Variants in SYT9 observed in about 807,000 individuals in gnomAD.
The protein encoded by SYT9 is synaptotagmin-9.
A neutral mutation model predicts 48.4 loss-of-function variants in SYT9; 22 were observed. The ratio of observed to expected loss-of-function variants is 0.45; its 90% CI spans 0.32 to 0.65. The LOEUF is 0.65. Ranked by LOEUF, SYT9 falls within the 30% of genes least tolerant of loss-of-function variation. The probability of loss-of-function intolerance (pLI) is 0.03; values close to 1 mark genes in which losing one functional copy is unlikely to be tolerated. For missense variants in SYT9, 577 were observed against 622.0 expected, an observed-to-expected ratio of 0.93 and a Z score of 0.77; for synonymous variants, 265 against 245.0, an observed-to-expected ratio of 1.08 and a Z score of -0.76.
At chr11:7,251,786 G>T (rs1157074379), upstream of SYT9, among the ~76,000 whole-genome samples, 1 of 152,100 alleles carries the variant, frequency 6.6e-6, no homozygotes, top group Admixed American at 6.5e-5. Flanking sequence ...CCAGGAGCCG[G>T]GGAGTACCCC....
At chr11:7,457,763 C>T (rs1848173731) in intron 6 of SYT9, 1 of 152,188 alleles carries the variant, frequency 6.6e-6, no homozygotes, top group Non-Finnish European at 1.5e-5. Flanking sequence ...AGGGCTCAAA[C>T]AGTTCTCATA....
chr11:7,455,584 C>T (rs144443235), intron 6 of SYT9, among the ~76,000 whole-genome samples: 2,750 of 152,060 alleles, frequency 0.018, 80 homozygotes, highest in African/African-American at 0.063. Context: ...AAGTGATCCA[C>T]CCACCTCGGC....
intron 6 of SYT9, among the ~76,000 whole-genome samples, chr11:7,454,686 G>A (rs757239529): frequency 2.6e-5 from 4 of 152,208 alleles, no homozygotes; most frequent in Non-Finnish European, 1.5e-5. Context: ...TTCTGAGATT[G>A]GACCTGGGCA....
intron 1 of SYT9, among the ~76,000 whole-genome samples, chr11:7,288,155 C>T (rs1475547599): frequency 6.6e-6 from 1 of 152,094 alleles, no homozygotes; most frequent in Non-Finnish European, 1.5e-5. Context: ...GCCTGGGAAA[C>T]CCTGGGAGGG....
At chr11:7,312,617 A>T (rs1317203137) in intron 2 of SYT9, among the ~76,000 whole-genome samples, 1 of 152,212 alleles carries the variant, frequency 6.6e-6, no homozygotes, top group Admixed American at 6.5e-5. Flanking sequence ...ACTATACTAC[A>T]GTTGCAAATA....
chr11:7,290,241 G>T (rs1848675338), intron 1 of SYT9, among the ~76,000 whole-genome samples: 1 of 152,196 alleles, frequency 6.6e-6, no homozygotes, highest in Non-Finnish European at 1.5e-5. Flanking sequence ...TCTCAGGAGA[G>T]ACTCTTTTAA....
intron 3 of SYT9, among the ~76,000 whole-genome samples, chr11:7,324,775 T>C (rs995163013): frequency 2.5e-4 from 38 of 152,046 alleles, no homozygotes; most frequent in African/African-American, 9.2e-4. Flanking sequence ...TTATTTGATA[T>C]CTGTTCAAAT....
chr11:7,376,308 TTC>T (rs63008562), intron 3 of SYT9, among the ~76,000 whole-genome samples: 5,483 of 144,134 alleles, frequency 0.038, 332 homozygotes, highest in African/African-American at 0.13. Context: ...ATCTCTTCCT[TTC>T]TCTCTCTCTA....
At chr11:7,249,723 T>G (rs945358270), upstream of SYT9, among the ~76,000 whole-genome samples, 1 of 152,200 alleles carries the variant, frequency 6.6e-6, no homozygotes, top group Admixed American at 6.5e-5. Context: ...ATGTAATCTT[T>G]GTAACAGCCC....
Position 7,252,275 on chromosome 11 carries a change from G to A in SYT9, c.89G>A (p.Cys30Tyr). ...CGTGGGGCCCTGGAGCACGACAGCT[G>A]CCAGGATTTCATTTACCACCTGCGG... ...CARGALEHDS[C>Y]QDFIYHLRDR... is the part of the protein sequence containing the mutation. The change falls in exon 1 of 7, where the codon TGC becomes TAC. Residue 30 changes from cysteine to tyrosine, a missense_variant. By Grantham distance (194) the Cys-to-Tyr change is radical. Transcript: ENST00000318881. The surrounding 1 kb of genome is among the most constrained non-coding windows in gnomAD (Gnocchi z 6.3). 1 of 1,512,474 alleles carries A rather than the reference G, an allele frequency of 6.6e-7. No individual in the cohort carries two copies. Among genetic ancestry groups the A allele is most frequent in the Non-Finnish European group, 8.8e-7 (1 of 1,130,004 alleles). 93.7% of individuals were successfully genotyped at this position (1,512,474 alleles called of 1,614,324 possible).
At chr11:7,395,839 G>T in intron 3 of SYT9, among the ~76,000 whole-genome samples, 1 of 151,908 alleles carries the variant, frequency 6.6e-6, no homozygotes, top group East Asian at 1.9e-4. Context: ...TTACATTCAT[G>T]GTTAATATTG....
At chr11:7,260,797 G>C (rs956233461) in intron 1 of SYT9, among the ~76,000 whole-genome samples, 4 of 152,188 alleles carry the variant, frequency 2.6e-5, no homozygotes, top group Admixed American at 2.6e-4. Flanking sequence ...TAATTACCTT[G>C]AATAGTTGTA....
intron 6 of SYT9, among the ~76,000 whole-genome samples, chr11:7,442,750 G>T (rs12271511): frequency 0.079 from 12,013 of 152,134 alleles, 725 homozygotes; most frequent in Non-Finnish European, 0.13. Flanking sequence ...CTTTCCTAGG[G>T]CCTCTGCCAT....
chr11:7,428,448 A>G (rs982180134), intron 6 of SYT9, among the ~76,000 whole-genome samples: 1 of 152,218 alleles, frequency 6.6e-6, no homozygotes, highest in African/African-American at 2.4e-5. Flanking sequence ...GAAATGAACC[A>G]GAGTGGTTTA....
At chr11:7,394,839 A>G (rs1035614120) in intron 3 of SYT9, among the ~76,000 whole-genome samples, 1 of 151,878 alleles carries the variant, frequency 6.6e-6, no homozygotes. Context: ...TACTCTTAAC[A>G]CTGCTTTTGC....
chr11:7,458,359 T>G lies in SYT9; in HGVS notation c.1468-8433T>G, dbSNP rs538528847. Reference sequence around the variant, plus strand: ...AGCCGGGCATGGTGGCGGTCGCCTGTAATCCCAGCCACTCAAAAGGCTGAG... The same window carrying G: ...AGCCGGGCATGGTGGCGGTCGCCTGGAATCCCAGCCACTCAAAAGGCTGAG... On this transcript the variant is annotated intron_variant, in intron 6 of 6. Transcript: ENST00000318881. Among the ~76,000 whole-genome samples the G allele has an allele frequency of 2.5e-4, 38 of 152,200 alleles. No individual in the cohort carries two copies. The South Asian group carries it at 7.9e-3, about 32-fold the overall frequency.
chr11:7,352,272 T>C (rs1849931695), intron 3 of SYT9, among the ~76,000 whole-genome samples: 1 of 152,178 alleles, frequency 6.6e-6, no homozygotes, highest in African/African-American at 2.4e-5. Flanking sequence ...CAGGAGTTTG[T>C]ATTCAGTTGA....
At chr11:7,430,149 G>A (rs760764385) in intron 6 of SYT9, among the ~76,000 whole-genome samples, 16 of 151,846 alleles carry the variant, frequency 1.1e-4, no homozygotes, top group East Asian at 1.9e-4. Context: ...TTATTTCTAC[G>A]TTATCTATTT....
chr11:7,259,536 G>A (rs1229553182), intron 1 of SYT9, among the ~76,000 whole-genome samples: 3 of 152,038 alleles, frequency 2.0e-5, no homozygotes, highest in South Asian at 2.1e-4. Context: ...CAGTAAATCC[G>A]CTAGCATTAG....
Sources: gnomAD v4.1 joint callset for allele counts (sites outside exome capture counted in the v4.1 genomes callset) on GRCh38, gnomAD v4.1.1 for gene constraint, Gnocchi (gnomAD v3.1) non-coding constraint, MANE v1.5 for transcripts, NCBI Gene and HGNC (gene_info 2026-07-23, HGNC 2026-07-21) for gene names.